The following ATIC variants were observed in gnomAD, a reference collection of about 807,000 sequenced individuals.
ATIC encodes 5-aminoimidazole-4-carboxamide ribonucleotide formyltransferase/IMP cyclohydrolase, also known as bifunctional purine biosynthesis protein ATIC.
A neutral mutation model predicts 72.5 loss-of-function variants in ATIC; 64 were observed. That is an observed-to-expected ratio of 0.88 (90% confidence interval 0.72 to 1.09). ATIC has a LOEUF of 1.09. Ranked by LOEUF, ATIC falls within the 50% of genes least tolerant of loss-of-function variation. ATIC has a pLI of 0.00. For synonymous variants in ATIC, 281 were observed against 267.1 expected, an observed-to-expected ratio of 1.05 and a Z score of -0.51; for missense variants, 787 against 732.4, an observed-to-expected ratio of 1.07 and a Z score of -0.86.
intron 2 of ATIC, among the ~76,000 whole-genome samples, chr2:215,316,125 G>A (rs1283855411): frequency 2.0e-5 from 3 of 151,996 alleles, no homozygotes; most frequent in African/African-American, 2.4e-5. Context: ...ATTATTTCCC[G>A]AGACTACAGC....
chr2:215,361,215 G>T, the ATIC span: 1 of 285,220 alleles, frequency 3.5e-6, no homozygotes, highest in Non-Finnish European at 6.8e-6. Context: ...TAAAATTTTG[G>T]TCATATCATT....
chr2:215,354,933 A>C, the ATIC span, among the ~76,000 whole-genome samples: 1 of 152,014 alleles, frequency 6.6e-6, no homozygotes, highest in East Asian at 1.9e-4. Flanking sequence ...GGGGTTCATG[A>C]AGGACAGGAT....
At chr2:215,323,859 C>T (rs1319078266) in intron 4 of ATIC, among the ~76,000 whole-genome samples, 1 of 152,088 alleles carries the variant, frequency 6.6e-6, no homozygotes. Context: ...CTGTGACCTC[C>T]GCCTCCCGGG....
chr2:215,324,734 C>T (rs1279004893), intron 4 of ATIC, among the ~76,000 whole-genome samples: 3 of 152,036 alleles, frequency 2.0e-5, no homozygotes. Flanking sequence ...TTCCTGTTAC[C>T]ATCATTTTTA....
chr2:215,337,312 T>C (rs2052967171), intron 11 of ATIC, among the ~76,000 whole-genome samples: 1 of 152,194 alleles, frequency 6.6e-6, no homozygotes, highest in East Asian at 1.9e-4. Context: ...AATTTTATAG[T>C]TCACCATAGA....
At chr2:215,360,271 T>C in the ATIC span, among the ~76,000 whole-genome samples, 1 of 152,182 alleles carries the variant, frequency 6.6e-6, no homozygotes, top group African/African-American at 2.4e-5. Flanking sequence ...GTTTGTTTCC[T>C]CAATGTTAAA....
chr2:215,355,698 A>G, the ATIC span, among the ~76,000 whole-genome samples: 1 of 152,258 alleles, frequency 6.6e-6, no homozygotes, highest in Non-Finnish European at 1.5e-5. Context: ...AGAAAAGTGC[A>G]TGAAACTTTT....
chr2:215,325,183 G>C, intron 4 of ATIC, 58 bp from the exon 5 acceptor site: 9 of 1,313,318 alleles, frequency 6.9e-6, no homozygotes, highest in Non-Finnish European at 9.9e-6. Flanking sequence ...TTCCTAGATA[G>C]CTGTAAACCA....
chr2:215,359,735 AT>A, the ATIC span, among the ~76,000 whole-genome samples: 42,015 of 149,260 alleles, frequency 0.28, 6,806 homozygotes, highest in East Asian at 0.72. Flanking sequence ...GGGAGTTAGT[AT>A]TTTTTTTTTT....
chr2:215,313,216 C>G (rs1452497634), intron 2 of ATIC, among the ~76,000 whole-genome samples: 2 of 152,206 alleles, frequency 1.3e-5, no homozygotes, highest in Admixed American at 6.5e-5. Context: ...CTTCCTTAAA[C>G]AGATTAACTT....
At chr2:215,367,932 C>T in the ATIC span, 1 of 1,613,946 alleles carries the variant, frequency 6.2e-7, no homozygotes, top group Admixed American at 1.7e-5. Context: ...AAGCCTGATT[C>T]AGACATTCGT....
In ATIC at chr2:215,332,330, T is replaced by C; in HGVS notation, c.689-52T>C. 2.5e-6 allele frequency: 4 copies of C among 1,612,574 alleles called. No individual in the cohort carries two copies. In the South Asian group the frequency reaches 3.3e-5, roughly 13 times the overall value. ...TATTTTTTTGAGAAGTGTGCATACA[T>C]CTGACCTTACTGATCCTGCTTAGTA... On this transcript the variant is annotated intron_variant, in intron 7 of 15. Coordinates refer to ENST00000236959, the MANE Select transcript of ATIC (RefSeq NM_004044.7).
In ATIC at chr2:215,312,065, T is replaced by A; in HGVS notation, c.-78T>A. 1 of 1,522,614 alleles carries A rather than the reference T, an allele frequency of 6.6e-7. No individual in the cohort carries two copies. The highest frequency in any genetic ancestry group is 8.8e-7 in the Non-Finnish European group (1 of 1,138,350). The allele number at this position is 1,522,614 out of a possible 1,614,324, so 94.3% of individuals were successfully genotyped here. On this transcript the variant is annotated 5_prime_UTR_variant, in exon 1 of 16. Transcript: ENST00000236959. ...CCCCCTCGCTTCCTGAGCCGCCACA[T>A]CCCGGCAGCCCTCCTACCTGCGCAC... is the stretch of plus-strand genomic sequence containing the variant.
chr2:215,328,034 TG>T (rs2052848675), intron 7 of ATIC, among the ~76,000 whole-genome samples: 1 of 151,886 alleles, frequency 6.6e-6, no homozygotes, highest in African/African-American at 2.4e-5. Context: ...CCACAATGCC[TG>T]GCTAGTTTTT....
chr2:215,321,851 C>A (rs1430001414), intron 4 of ATIC, among the ~76,000 whole-genome samples: 1 of 152,132 alleles, frequency 6.6e-6, no homozygotes, highest in Non-Finnish European at 1.5e-5. Flanking sequence ...AAGTTTATTT[C>A]CTCTCATTCT....
intron 7 of ATIC, among the ~76,000 whole-genome samples, chr2:215,332,020 T>C (rs916372778): frequency 1.3e-5 from 2 of 152,192 alleles, no homozygotes; most frequent in African/African-American, 4.8e-5. Flanking sequence ...TAATCTTAGT[T>C]CTGTATTTAC....
chr2:215,354,411 G>A (rs2053152091), downstream of ATIC, among the ~76,000 whole-genome samples: 1 of 152,060 alleles, frequency 6.6e-6, no homozygotes, highest in Non-Finnish European at 1.5e-5. Context: ...CCCTTTGTTG[G>A]CACTCTGGGT....
downstream of ATIC, among the ~76,000 whole-genome samples, chr2:215,353,374 A>G (rs1383488129): frequency 6.6e-6 from 1 of 151,506 alleles, no homozygotes. Context: ...ACTCCTGTTG[A>G]TTCCTGGACT....
chr2:215,349,253 A>G lies in ATIC; in HGVS notation c.1659+4A>G, dbSNP rs766159135. 2 of 1,614,010 alleles carry G rather than the reference A, an allele frequency of 1.2e-6. No individual in the cohort carries two copies. Among genetic ancestry groups the G allele is most frequent in the Non-Finnish European group, 1.7e-6 (2 of 1,180,018 alleles). The stretch of plus-strand genomic sequence containing the variant: ...TAACGTAGACAGAGCTAAAAGGGTA[A>G]GTATGGAATTGGGTGCATTTGCTTA... On this transcript the variant is annotated splice_donor_region_variant and intron_variant, in intron 15 of 15. Coordinates refer to ENST00000236959, the MANE Select transcript of ATIC (RefSeq NM_004044.7).
Sources: allele counts gnomAD v4.1 joint callset (sites outside exome capture counted in the v4.1 genomes callset), GRCh38; gene constraint gnomAD v4.1.1; transcripts MANE v1.5; gene names NCBI Gene and HGNC (gene_info 2026-07-23, HGNC 2026-07-21).